The following PPP2R5A variants were observed in gnomAD, a reference collection of about 807,000 sequenced individuals.
PPP2R5A encodes the protein serine/threonine-protein phosphatase 2A 56 kDa regulatory subunit alpha isoform.
Under a neutral mutation model 64.2 loss-of-function variants are expected in PPP2R5A, and 25 were observed. The ratio of observed to expected loss-of-function variants is 0.39; its 90% CI spans 0.28 to 0.54. The LOEUF (loss-of-function observed/expected upper bound fraction) is 0.54. Ranked by LOEUF, PPP2R5A falls within the 20% of genes least tolerant of loss-of-function variation. The pLI, the probability that PPP2R5A is intolerant of heterozygous loss-of-function variation, is 0.67. For missense variants in PPP2R5A, 425 were observed against 576.3 expected (o/e 0.74, Z 2.69); for synonymous variants, 198 against 201.2 (o/e 0.98, Z 0.13).
chr1:212,333,429 C>T (rs575487853), intron 2 of PPP2R5A, 68 bp from the exon 3 acceptor site: 10 of 1,020,654 alleles, frequency 9.8e-6, no homozygotes, highest in Non-Finnish European at 1.4e-5. Flanking sequence ...CTTTAAAATA[C>T]TTCGTTTTGA....
At chr1:212,327,977 G>C (rs1464519917) in intron 1 of PPP2R5A, among the ~76,000 whole-genome samples, 1 of 152,194 alleles carries the variant, frequency 6.6e-6, no homozygotes, top group African/African-American at 2.4e-5. Flanking sequence ...ACCATGCCCG[G>C]ATAATTTTTG....
Position 212,293,445 on chromosome 1 carries a change from A to G in PPP2R5A, c.181+7154A>G, listed in dbSNP as rs1329739602. Among the ~76,000 whole-genome samples, 6 of 152,224 alleles carry G rather than the reference A, an allele frequency of 3.9e-5. No individual in the cohort carries two copies. The South Asian group carries it at 8.3e-4, about 21-fold the overall frequency. ...TTGAAATATATAATACTTTTAGTGT[A>G]TTATTATGTAACAAGGAATCTAAAT... On this transcript the variant is annotated intron_variant, in intron 1 of 12. Coordinates refer to ENST00000261461, the MANE Select transcript of PPP2R5A (RefSeq NM_006243.4).
intron 1 of PPP2R5A, among the ~76,000 whole-genome samples, chr1:212,289,104 TTTTG>T (rs1369555495): frequency 1.3e-5 from 2 of 152,248 alleles, no homozygotes; most frequent in Non-Finnish European, 1.5e-5. Context: ...GTCTAACCTA[TTTTG>T]TTTAAGATTC....
At chr1:212,310,069 T>A (rs1196979611) in intron 1 of PPP2R5A, among the ~76,000 whole-genome samples, 1 of 152,224 alleles carries the variant, frequency 6.6e-6, no homozygotes, top group African/African-American at 2.4e-5. Flanking sequence ...CACCTTGGGA[T>A]GACAGTGGTT....
rs778938337 is a variant in PPP2R5A, at chr1:212,348,454, T to C, written c.830T>C (p.Ile277Thr). 1 of 1,608,598 alleles carries C rather than the reference T, an allele frequency of 6.2e-7. No individual in the cohort carries two copies. Among genetic ancestry groups the C allele is most frequent in the Non-Finnish European group, 8.5e-7 (1 of 1,175,960 alleles). Residue 277 changes from isoleucine to threonine, a missense_variant, in exon 7 of 13, where the codon ATT (isoleucine) becomes ACT (threonine). Transcript: ENST00000261461. ...AAACAATTTCTAATGAAGGTTCTTA[T>C]TCCTATGCATACTGCAAAAGGATTA... ...EHKQFLMKVL[I>T]PMHTAKGLAL...
chr1:212,304,923 G>A (rs888910165), intron 1 of PPP2R5A, among the ~76,000 whole-genome samples: 1 of 151,780 alleles, frequency 6.6e-6, no homozygotes, highest in South Asian at 2.1e-4. Flanking sequence ...AGTAGAGATG[G>A]GGTTTCACCA....
At chr1:212,331,841 T>C (rs1343158336) in intron 2 of PPP2R5A, 1 of 152,198 alleles carries the variant, frequency 6.6e-6, no homozygotes, top group Non-Finnish European at 1.5e-5. Context: ...ATATTTTATT[T>C]TGATTTCTGT....
At chr1:212,315,955 C>A (rs763179800) in intron 1 of PPP2R5A, among the ~76,000 whole-genome samples, 3 of 152,094 alleles carry the variant, frequency 2.0e-5, no homozygotes, top group Non-Finnish European at 4.4e-5. Flanking sequence ...GCATCATGAA[C>A]CATAGCCATA....
chr1:212,329,854 C>T (rs1007157823), intron 2 of PPP2R5A, among the ~76,000 whole-genome samples: 1 of 152,092 alleles, frequency 6.6e-6, no homozygotes, highest in Non-Finnish European at 1.5e-5. Flanking sequence ...CCATCTTGGC[C>T]AGGCTGGTCT....
At chr1:212,360,540 T>G in intron 12 of PPP2R5A, 98 bp from the exon 13 acceptor site, 1 of 1,059,448 alleles carries the variant, frequency 9.4e-7, no homozygotes, top group Non-Finnish European at 1.3e-6. Context: ...TTAAGTGAAA[T>G]GTGGGTAAGT....
intron 2 of PPP2R5A, chr1:212,331,393 T>G (rs1659502731): frequency 6.6e-6 from 1 of 150,466 alleles, no homozygotes; most frequent in African/African-American, 2.4e-5. Context: ...GGTCTCAAAC[T>G]CCTGACCTCA....
At chr1:212,354,207 T>C (rs1273394008) in intron 8 of PPP2R5A, among the ~76,000 whole-genome samples, 1 of 151,714 alleles carries the variant, frequency 6.6e-6, no homozygotes, top group East Asian at 1.9e-4. Flanking sequence ...TAAATAAAAA[T>C]AACAGGCTAC....
intron 9 of PPP2R5A, 87 bp from the exon 10 acceptor site, chr1:212,356,863 T>G: frequency 3.8e-6 from 5 of 1,321,876 alleles, no homozygotes; most frequent in Non-Finnish European, 5.1e-6. Flanking sequence ...TTGTATACTA[T>G]GCAGATTAAC....
At chr1:212,291,100 ATTTATTTTAT>A (rs1172321349) in intron 1 of PPP2R5A, among the ~76,000 whole-genome samples, 2 of 151,502 alleles carry the variant, frequency 1.3e-5, no homozygotes, top group Non-Finnish European at 2.9e-5. Context: ...TGGAGAGGTC[ATTTATTTTAT>A]TTTATTTTAT....
intron 1 of PPP2R5A, chr1:212,313,736 G>A (rs1659084169): frequency 6.6e-6 from 1 of 150,944 alleles, no homozygotes; most frequent in African/African-American, 2.4e-5. Context: ...ACACTGGCAT[G>A]TTTCTAAGTG....
At chr1:212,322,515 A>G (rs1343154327) in intron 1 of PPP2R5A, among the ~76,000 whole-genome samples, 2 of 152,138 alleles carry the variant, frequency 1.3e-5, no homozygotes, top group Admixed American at 1.3e-4. Flanking sequence ...CTTTTGTTAC[A>G]GGATAACTAC....
intron 1 of PPP2R5A, among the ~76,000 whole-genome samples, chr1:212,316,417 A>T (rs1375653330): frequency 1.3e-5 from 2 of 152,184 alleles, no homozygotes. Context: ...GCCAAAGCCT[A>T]ATCCAGAACA....
intron 1 of PPP2R5A, among the ~76,000 whole-genome samples, chr1:212,322,791 ATTTC>A (rs766462864): frequency 5.8e-5 from 8 of 139,096 alleles, no homozygotes; most frequent in Non-Finnish European, 9.3e-5. Flanking sequence ...TTATTTATTT[ATTTC>A]ATTCTTTTGA....
intron 1 of PPP2R5A, among the ~76,000 whole-genome samples, chr1:212,318,621 A>G (rs1659204066): frequency 6.6e-6 from 1 of 152,236 alleles, no homozygotes; most frequent in Non-Finnish European, 1.5e-5. Flanking sequence ...CTTGGTTAAT[A>G]CTTGGGAAGA....
Sources: gnomAD v4.1 joint callset for allele counts (sites outside exome capture counted in the v4.1 genomes callset) on GRCh38, gnomAD v4.1.1 for gene constraint, MANE v1.5 for transcripts, NCBI Gene and HGNC (gene_info 2026-07-23, HGNC 2026-07-21) for gene names.